KDM4C: variants seen among roughly 807,000 people sequenced by gnomAD.
KDM4C encodes the protein lysine demethylase 4C.
Under a neutral mutation model 129.3 loss-of-function variants are expected in KDM4C, and 81 were observed. That is an observed-to-expected ratio of 0.63 (90% CI 0.52 to 0.75). KDM4C has a LOEUF of 0.75. KDM4C is among the 30% of genes least tolerant of loss of function. The pLI is 0.00. For synonymous variants in KDM4C, 573 were observed against 456.1 expected (o/e 1.26, Z -3.26); for missense variants, 1,457 against 1,304.0 (o/e 1.12, Z -1.81).
At chr9:6,839,857 C>A (rs1182020220) in intron 4 of KDM4C, among the ~76,000 whole-genome samples, 1 of 151,944 alleles carries the variant, frequency 6.6e-6, no homozygotes, top group Non-Finnish European at 1.5e-5. Flanking sequence ...GAGCAGAGAT[C>A]GCGTCACTGC....
chr9:6,784,876 T>A (rs910733463), intron 1 of KDM4C, among the ~76,000 whole-genome samples: 7 of 152,248 alleles, frequency 4.6e-5, no homozygotes, highest in Non-Finnish European at 8.8e-5. Flanking sequence ...TGCTAACGAT[T>A]AATGGAGAGT....
At chr9:6,982,866 C>T (rs1023621936) in intron 9 of KDM4C, 2 of 152,218 alleles carry the variant, frequency 1.3e-5, no homozygotes, top group African/African-American at 4.8e-5. Flanking sequence ...ATCAATGGAA[C>T]TTGCTCACCT....
intron 8 of KDM4C, among the ~76,000 whole-genome samples, chr9:6,894,393 A>G (rs1846530962): frequency 6.6e-6 from 1 of 152,230 alleles, no homozygotes; most frequent in Non-Finnish European, 1.5e-5. Flanking sequence ...CATCCTGTGT[A>G]TTCTAAGAAC....
At chr9:6,747,222 C>CA (rs1397442716) in intron 1 of KDM4C, among the ~76,000 whole-genome samples, 6 of 143,018 alleles carry the variant, frequency 4.2e-5, no homozygotes, top group African/African-American at 1.6e-4. Context: ...ACCAACCAAC[C>CA]AACCAAAGAA....
chr9:7,042,508 T>C (rs1828761685), intron 15 of KDM4C, among the ~76,000 whole-genome samples: 1 of 152,114 alleles, frequency 6.6e-6, no homozygotes, highest in Admixed American at 6.6e-5. Context: ...TTATATGCTG[T>C]CGGGTAACAC....
At chr9:6,799,447 C>T (rs1312362604) in intron 2 of KDM4C, among the ~76,000 whole-genome samples, 3 of 152,228 alleles carry the variant, frequency 2.0e-5, no homozygotes, top group East Asian at 3.9e-4. Context: ...CGTCTGCAAT[C>T]GCAGGCACTC....
intron 17 of KDM4C, among the ~76,000 whole-genome samples, chr9:7,060,551 G>A (rs1050511830): frequency 4.0e-5 from 6 of 151,286 alleles, no homozygotes; most frequent in African/African-American, 7.3e-5. Flanking sequence ...GTGCGATCTC[G>A]GTTCACTGCA....
chr9:6,882,439 G>T (rs1038038139), intron 6 of KDM4C, among the ~76,000 whole-genome samples: 1 of 152,122 alleles, frequency 6.6e-6, no homozygotes, highest in African/African-American at 2.4e-5. Context: ...ACAGATTTTT[G>T]TGAAAAGTAG....
At chr9:6,774,079 G>A (rs143477028) in intron 1 of KDM4C, among the ~76,000 whole-genome samples, 4,468 of 152,016 alleles carry the variant, frequency 0.029, 101 homozygotes, top group Non-Finnish European at 0.043. Context: ...GTAGAGACGG[G>A]GTTTCACCAT....
At chr9:7,069,281 G>C (rs1832879113) in intron 17 of KDM4C, among the ~76,000 whole-genome samples, 1 of 152,124 alleles carries the variant, frequency 6.6e-6, no homozygotes, top group Non-Finnish European at 1.5e-5. Flanking sequence ...TGATATTAGG[G>C]TTGTTTTAAA....
chr9:6,892,865 G>A (rs1563770097), intron 7 of KDM4C, among the ~76,000 whole-genome samples: 1 of 152,152 alleles, frequency 6.6e-6, no homozygotes, highest in Non-Finnish European at 1.5e-5. Context: ...TGGATTGTTT[G>A]ATTTAATTCA....
At chr9:7,072,180 T>C (rs138805686) in intron 17 of KDM4C, among the ~76,000 whole-genome samples, 5 of 152,288 alleles carry the variant, frequency 3.3e-5, no homozygotes, top group East Asian at 3.9e-4. Context: ...GTTTAGCAAC[T>C]GGAATGCTTA....
chr9:6,739,283 G>T (rs1817616569), intron 1 of KDM4C, among the ~76,000 whole-genome samples: 1 of 151,884 alleles, frequency 6.6e-6, no homozygotes, highest in Non-Finnish European at 1.5e-5. Flanking sequence ...ATGTTGGCCA[G>T]GCTGGTCTTG....
intron 15 of KDM4C, among the ~76,000 whole-genome samples, chr9:7,029,113 A>C (rs1364405635): frequency 6.6e-6 from 1 of 152,030 alleles, no homozygotes. Flanking sequence ...CTATTTGGCC[A>C]TCTTGTTCTG....
At chr9:6,925,140 A>T in intron 8 of KDM4C, 11 of 985,434 alleles carry the variant, frequency 1.1e-5, no homozygotes, top group Non-Finnish European at 1.3e-5. Flanking sequence ...CATGGATGCC[A>T]AGCAGTGCCT....
At chr9:7,049,026 A>C in intron 16 of KDM4C, 66 bp from the exon 17 acceptor site, 1 of 1,019,702 alleles carries the variant, frequency 9.8e-7, no homozygotes, top group Non-Finnish European at 1.5e-6. Context: ...GAGAACTGGC[A>C]TCACCAAGTT....
At chr9:6,828,937 C>G (rs1329250887) in intron 4 of KDM4C, among the ~76,000 whole-genome samples, 3 of 152,216 alleles carry the variant, frequency 2.0e-5, no homozygotes, top group Non-Finnish European at 4.4e-5. Context: ...TCACTCTTCT[C>G]TTTACCTCTC....
At chr9:6,849,839 T>A in intron 5 of KDM4C, 139 bp downstream of exon 5, 1 of 664,976 alleles carries the variant, frequency 1.5e-6, no homozygotes, top group Non-Finnish European at 2.5e-6. Context: ...CTGTAATAGT[T>A]AATTGTCTTC....
At chr9:7,117,915 T>C (rs531399235) in intron 18 of KDM4C, among the ~76,000 whole-genome samples, 9 of 152,314 alleles carry the variant, frequency 5.9e-5, no homozygotes, top group East Asian at 3.9e-4. Context: ...TAATGTGAAC[T>C]CTCATCTCTG....
Sources: allele counts gnomAD v4.1 joint callset (sites outside exome capture counted in the v4.1 genomes callset), GRCh38; gene constraint gnomAD v4.1.1; transcripts MANE v1.5; gene names NCBI Gene and HGNC (gene_info 2026-07-23, HGNC 2026-07-21).